SPAG16: variants seen among roughly 807,000 people sequenced by gnomAD.
The protein encoded by SPAG16 is sperm associated antigen 16, also known as sperm-associated antigen 16 protein.
In SPAG16, 86 loss-of-function variants were observed where a neutral mutation model predicts 80.4. The ratio of observed to expected loss-of-function variants is 1.07; its 90% confidence interval spans 0.90 to 1.28. SPAG16 has a LOEUF of 1.28. Ranked by LOEUF, SPAG16 falls within the 50% of genes most tolerant of loss-of-function variation. The pLI is 0.00. For missense variants in SPAG16, 870 were observed against 765.3 expected (o/e 1.14, Z -1.61); for synonymous variants, 294 against 265.9 (o/e 1.11, Z -1.03).
intron 10 of SPAG16, among the ~76,000 whole-genome samples, chr2:213,528,776 C>A (rs1314462711): frequency 6.6e-6 from 1 of 152,060 alleles, no homozygotes; most frequent in Admixed American, 6.6e-5. Context: ...TATAGCTGAT[C>A]AGACAAAAAA....
intron 11 of SPAG16, among the ~76,000 whole-genome samples, chr2:213,879,668 T>C (rs1293002975): frequency 6.6e-6 from 1 of 152,090 alleles, no homozygotes; most frequent in Non-Finnish European, 1.5e-5. Context: ...CCATGTCTAT[T>C]GTTCCCATTT....
chr2:213,776,393 G>T (rs2069576587), intron 10 of SPAG16, among the ~76,000 whole-genome samples: 1 of 152,152 alleles, frequency 6.6e-6, no homozygotes. Context: ...GCAAGGAAAT[G>T]GATTCTCCAC....
At chr2:214,132,135 G>A (rs770970067) in intron 14 of SPAG16, among the ~76,000 whole-genome samples, 1 of 152,066 alleles carries the variant, frequency 6.6e-6, no homozygotes, top group Admixed American at 6.6e-5. Context: ...ATAATCAGTG[G>A]GTATATCGGG....
At chr2:213,296,009 TG>T (rs1231651638) in intron 1 of SPAG16, 54 bp from the exon 2 acceptor site, 1 of 1,461,080 alleles carries the variant, frequency 6.8e-7, no homozygotes, top group African/African-American at 1.4e-5. Flanking sequence ...AATCAATTTT[TG>T]TGCAATAATT....
At chr2:213,677,250 C>T (rs2064132168) in intron 10 of SPAG16, among the ~76,000 whole-genome samples, 1 of 151,784 alleles carries the variant, frequency 6.6e-6, no homozygotes, top group African/African-American at 2.4e-5. Context: ...ATGACAGGTT[C>T]AAATTCACAC....
intron 10 of SPAG16, among the ~76,000 whole-genome samples, chr2:213,711,751 C>T (rs929114821): frequency 2.6e-5 from 4 of 151,942 alleles, no homozygotes; most frequent in Admixed American, 2.0e-4. Flanking sequence ...AACTCCTGAC[C>T]TCAGGTGATC....
At chr2:213,344,335 T>A (rs1206866278) in intron 6 of SPAG16, among the ~76,000 whole-genome samples, 1 of 152,128 alleles carries the variant, frequency 6.6e-6, no homozygotes, top group East Asian at 1.9e-4. Flanking sequence ...TTCCAAGTTT[T>A]GAAGGACCAC....
intron 9 of SPAG16, among the ~76,000 whole-genome samples, chr2:213,438,098 T>C (rs2070741742): frequency 6.6e-6 from 1 of 152,214 alleles, no homozygotes; most frequent in South Asian, 2.1e-4. Context: ...TCCTTTTCTG[T>C]CTTTGCCTTT....
At chr2:214,339,717 T>C (rs1450268753) in intron 15 of SPAG16, among the ~76,000 whole-genome samples, 3 of 152,240 alleles carry the variant, frequency 2.0e-5, no homozygotes, top group Non-Finnish European at 4.4e-5. Context: ...ACTGACACTT[T>C]ATTATTAAAA....
intron 7 of SPAG16, among the ~76,000 whole-genome samples, chr2:213,362,555 G>A (rs937862986): frequency 6.6e-6 from 1 of 152,184 alleles, no homozygotes; most frequent in Non-Finnish European, 1.5e-5. Flanking sequence ...TTTAAGTACT[G>A]TTGGTAGCAT....
intron 10 of SPAG16, among the ~76,000 whole-genome samples, chr2:213,648,595 GACACAC>G (rs10538676): frequency 4.7e-5 from 7 of 149,464 alleles, no homozygotes; most frequent in Non-Finnish European, 7.4e-5. Flanking sequence ...GGCACACACA[GACACAC>G]ACACACACAC....
intron 13 of SPAG16, among the ~76,000 whole-genome samples, chr2:214,063,023 T>G (rs1439093566): frequency 6.6e-6 from 1 of 152,184 alleles, no homozygotes; most frequent in South Asian, 2.1e-4. Context: ...TTCAAAAACA[T>G]CATTTCAACA....
chr2:214,012,286 A>AGTTTTTTTTTT (rs2047339734), intron 12 of SPAG16, among the ~76,000 whole-genome samples: 1 of 54,948 alleles, frequency 1.8e-5, no homozygotes, highest in South Asian at 1.4e-3. Context: ...ATATATATAT[A>AGTTTTTTTTTT]TATTTTTTTT....
chr2:214,260,927 C>G (rs1275569793), intron 15 of SPAG16, among the ~76,000 whole-genome samples: 2 of 151,318 alleles, frequency 1.3e-5, no homozygotes, highest in African/African-American at 2.4e-5. Flanking sequence ...GCCAACATGG[C>G]GAAACCCTGT....
intron 12 of SPAG16, among the ~76,000 whole-genome samples, chr2:213,937,139 A>G (rs1174843618): frequency 6.6e-6 from 1 of 152,106 alleles, no homozygotes; most frequent in Non-Finnish European, 1.5e-5. Flanking sequence ...AATACAATGG[A>G]GTTTAGTATT....
intron 13 of SPAG16, among the ~76,000 whole-genome samples, chr2:214,056,481 TA>T (rs2049952876): frequency 2.0e-5 from 3 of 151,866 alleles, no homozygotes; most frequent in East Asian, 1.9e-4. Flanking sequence ...GCAATGAAAT[TA>T]TTTTTTTAAA....
chr2:213,855,112 C>T (rs765416608), intron 10 of SPAG16, among the ~76,000 whole-genome samples: 20 of 152,210 alleles, frequency 1.3e-4, no homozygotes, highest in Admixed American at 1.0e-3. Flanking sequence ...CACCACCACC[C>T]TGAATCTAGA....
chr2:213,804,575 C>G (rs1254262757), intron 10 of SPAG16, among the ~76,000 whole-genome samples: 1 of 151,980 alleles, frequency 6.6e-6, no homozygotes, highest in African/African-American at 2.4e-5. Flanking sequence ...CCCAGCTACC[C>G]GGGAGGCTGA....
chr2:213,647,716 A>G (rs776863431), intron 10 of SPAG16, among the ~76,000 whole-genome samples: 22 of 152,096 alleles, frequency 1.4e-4, no homozygotes, highest in Non-Finnish European at 2.8e-4. Context: ...CTCTTTTCCA[A>G]TCTCTGTAGG....
Sources: allele counts gnomAD v4.1 joint callset (sites outside exome capture counted in the v4.1 genomes callset), GRCh38; gene constraint gnomAD v4.1.1; transcripts MANE v1.5; gene names NCBI Gene and HGNC (gene_info 2026-07-23, HGNC 2026-07-21).